RRN3: variants seen among roughly 807,000 people sequenced by gnomAD.
RRN3 encodes the protein RNA polymerase I transcription factor RRN3.
RRN3 carries 38 observed loss-of-function variants against 82.3 expected under a neutral mutation model. That is an observed-to-expected ratio of 0.46 (90% CI 0.36 to 0.61). The LOEUF (loss-of-function observed/expected upper bound fraction) is 0.61, where lower values mean the gene tolerates loss of function less well. RRN3 is among the 20% of genes least tolerant of loss of function. RRN3 has a pLI of 0.00. For missense variants in RRN3, 726 were observed against 793.1 expected (o/e 0.92, Z 1.02); for synonymous variants, 284 against 284.3 (o/e 1.00, Z 0.01).
At position 15,092,552 on chromosome 16, in the gene RRN3, C is replaced by A; in HGVS notation, c.152G>T (p.Arg51Leu). 1 of 1,613,620 alleles carries A rather than the reference C, an allele frequency of 6.2e-7. No homozygotes were observed. Among genetic ancestry groups the A allele is most frequent in the Non-Finnish European group, 8.5e-7 (1 of 1,179,604 alleles). ...FFNSPPRKTV[R>L]FGGTVTEVLL... is the part of the protein sequence containing the mutation. ...GACTTCTGTCACAGTTCCACCAAAC[C>A]GAACAGTTTTTCTTGGGGGAGAATT... The change falls in exon 2 of 18, where the codon CGG (arginine) becomes CTG (leucine). Residue 51 changes from arginine to leucine, a missense_variant. Around this residue, in one of 4 missense-constraint regions of RRN3, gnomAD observed 135 missense variants for 87.4 expected, o/e 1.55. Coordinates refer to ENST00000198767, the MANE Select transcript of RRN3 (RefSeq NM_018427.5).
intron 15 of RRN3, among the ~76,000 whole-genome samples, chr16:15,067,298 A>G (rs1213265688): frequency 6.7e-6 from 1 of 149,330 alleles, no homozygotes; most frequent in Non-Finnish European, 1.5e-5. Flanking sequence ...ATAAAGCAGA[A>G]TAACTTAGTG....
intron 11 of RRN3, 108 bp from the exon 12 acceptor site, chr16:15,073,188 A>ACTGTGCTTGGCTGGAT: frequency 7.8e-7 from 1 of 1,281,572 alleles, no homozygotes; most frequent in Non-Finnish European, 1.1e-6. Context: ...TTATCCAGCC[A>ACTGTGCTTGGCTGGAT]AGCACAGTGG....
intron 15 of RRN3, among the ~76,000 whole-genome samples, chr16:15,066,375 G>A (rs1209496414): frequency 6.6e-6 from 1 of 152,168 alleles, no homozygotes; most frequent in Non-Finnish European, 1.5e-5. Context: ...GCTCACACCT[G>A]TAATCCCAGC....
chr16:15,085,989 C>T (rs1395552613), intron 5 of RRN3, 140 bp downstream of exon 5: 5 of 666,920 alleles, frequency 7.5e-6, no homozygotes, highest in African/African-American at 5.5e-5. Context: ...GGGGTCATTA[C>T]GGGGAATATA....
chr16:15,073,527 C>A (rs1409050166), intron 11 of RRN3, among the ~76,000 whole-genome samples: 10 of 152,174 alleles, frequency 6.6e-5, no homozygotes, highest in Non-Finnish European at 1.5e-4. Context: ...TTAGTTTACA[C>A]AGATTTTCCT....
At chr16:15,092,670 T>G in intron 1 of RRN3, 56 bp from the exon 2 acceptor site, 3 of 1,135,126 alleles carry the variant, frequency 2.6e-6, no homozygotes, top group Non-Finnish European at 4.0e-6. Flanking sequence ...AAAATTATAA[T>G]AGCCAACATT....
At chr16:15,072,850 AATT>A (rs2045294685) in intron 12 of RRN3, 97 bp downstream of exon 12, 2 of 1,208,298 alleles carry the variant, frequency 1.7e-6, no homozygotes, top group African/African-American at 3.1e-5. Flanking sequence ...CAAAGAAAAG[AATT>A]ATTTACTTCA....
intron 9 of RRN3, among the ~76,000 whole-genome samples, chr16:15,078,198 T>G (rs749247742): frequency 2.0e-5 from 3 of 152,318 alleles, no homozygotes; most frequent in South Asian, 2.1e-4. Flanking sequence ...CAACTCCAAG[T>G]GAGCACTGCA....
intron 16 of RRN3, among the ~76,000 whole-genome samples, chr16:15,064,290 C>A (rs1176616150): frequency 6.6e-6 from 1 of 152,142 alleles, no homozygotes; most frequent in Non-Finnish European, 1.5e-5. Flanking sequence ...ATTCTCCTGC[C>A]TCAGCCTCCC....
At chr16:15,089,569 G>C (rs570071808) in intron 3 of RRN3, among the ~76,000 whole-genome samples, 15 of 152,216 alleles carry the variant, frequency 9.9e-5, no homozygotes, top group African/African-American at 3.4e-4. Flanking sequence ...GGGAGGCCAA[G>C]GCGGGCGGAT....
chr16:15,079,053 G>A (rs555647199), intron 9 of RRN3, among the ~76,000 whole-genome samples: 9 of 151,962 alleles, frequency 5.9e-5, no homozygotes, highest in East Asian at 3.9e-4. Flanking sequence ...CTCGTGATCC[G>A]CCCGCCTCGG....
chr16:15,062,661 G>A (rs1449243372), intron 17 of RRN3, among the ~76,000 whole-genome samples: 2 of 152,158 alleles, frequency 1.3e-5, no homozygotes, highest in East Asian at 3.8e-4. Flanking sequence ...TGAGTCAACT[G>A]GAGATTGTTA....
intron 10 of RRN3, 117 bp from the exon 11 acceptor site, chr16:15,074,978 A>T: frequency 1.9e-6 from 2 of 1,065,408 alleles, no homozygotes; most frequent in Non-Finnish European, 2.6e-6. Flanking sequence ...GGCTGGGGAA[A>T]GCGGCTCACA....
At chr16:15,090,287 G>A (rs1015220815) in intron 3 of RRN3, among the ~76,000 whole-genome samples, 1 of 152,074 alleles carries the variant, frequency 6.6e-6, no homozygotes, top group Non-Finnish European at 1.5e-5. Flanking sequence ...ACAGTGATAA[G>A]AACAGTGGAC....
intron 14 of RRN3, among the ~76,000 whole-genome samples, chr16:15,069,682 A>G (rs1340275828): frequency 6.6e-6 from 1 of 152,164 alleles, no homozygotes; most frequent in African/African-American, 2.4e-5. Context: ...TGCTGTCTGT[A>G]AAGGGAGAAT....
chr16:15,066,531 G>A (rs1169778394), intron 15 of RRN3, among the ~76,000 whole-genome samples: 5 of 151,854 alleles, frequency 3.3e-5, no homozygotes, highest in South Asian at 2.1e-4. Context: ...TATTCGGGAG[G>A]CTGAGGCAGG....
intron 10 of RRN3, among the ~76,000 whole-genome samples, chr16:15,075,520 A>G (rs1187621831): frequency 2.0e-5 from 3 of 151,826 alleles, no homozygotes; most frequent in African/African-American, 7.3e-5. Flanking sequence ...GGAGTGGGCC[A>G]AGATCACACA....
Position 15,060,925 on chromosome 16 carries a change from T to C in RRN3, c.*819A>G, listed in dbSNP as rs2044686603. 1 of 152,246 alleles carries C rather than the reference T, an allele frequency of 6.6e-6. No homozygotes were observed. Among genetic ancestry groups the C allele is most frequent in the African/African-American group, 2.4e-5 (1 of 41,460 alleles). 9.4% of individuals were successfully genotyped at this position (152,246 alleles called of 1,614,324 possible). A position where few individuals can be genotyped will look rare whatever the true frequency, so the allele number is the denominator to read the frequency against. On this transcript the variant is annotated 3_prime_UTR_variant, in exon 18 of 18. Coordinates refer to ENST00000198767, the MANE Select transcript of RRN3 (RefSeq NM_018427.5). ...AGCAGTTCTAGATCTAAGGGGACACTTGAGAGCCAAGGGGTCAAATCCAAT... is the reference window on the plus strand; with the variant it reads ...AGCAGTTCTAGATCTAAGGGGACACCTGAGAGCCAAGGGGTCAAATCCAAT...
chr16:15,068,745 A>G, intron 14 of RRN3, among the ~76,000 whole-genome samples: 1 of 152,218 alleles, frequency 6.6e-6, no homozygotes, highest in Non-Finnish European at 1.5e-5. Flanking sequence ...CTAAACAAGA[A>G]AACTCCAAAT....
Sources: gnomAD v4.1 joint callset for allele counts (sites outside exome capture counted in the v4.1 genomes callset) on GRCh38, gnomAD v4.1.1 for gene constraint, gnomAD v4.1.1 regional missense constraint, MANE v1.5 for transcripts, NCBI Gene and HGNC (gene_info 2026-07-23, HGNC 2026-07-21) for gene names.